ACTR3C: variants seen among roughly 807,000 people sequenced by gnomAD.
ACTR3C encodes actin-related protein 3C.
In ACTR3C, 18 loss-of-function variants were observed where a neutral mutation model predicts 26.3. The ratio of observed to expected loss-of-function variants is 0.68; its 90% CI spans 0.47 to 1.01. ACTR3C has a LOEUF of 1.01. Among genes scored for constraint, ACTR3C ranks in the 50% least tolerant of loss-of-function variants. The pLI, the probability that ACTR3C is intolerant of heterozygous loss-of-function variation, is 0.00. For missense variants in ACTR3C, 184 were observed against 250.7 expected, an observed-to-expected ratio of 0.73 and a Z score of 1.80; for synonymous variants, 55 against 94.5, an observed-to-expected ratio of 0.58 and a Z score of 2.42.
chr7:150,252,483 A>G (rs1172230002), intron 6 of ACTR3C, among the ~76,000 whole-genome samples: 1 of 152,216 alleles, frequency 6.6e-6, no homozygotes, highest in Admixed American at 6.5e-5. Context: ...GGTAAGCATT[A>G]GGGCAGGTCA....
At chr7:150,293,652 G>A (rs1354942697) in intron 2 of ACTR3C, among the ~76,000 whole-genome samples, 2 of 152,036 alleles carry the variant, frequency 1.3e-5, no homozygotes, top group East Asian at 1.9e-4. Context: ...ATAAAGAAAC[G>A]TGGCTGACTG....
the ACTR3C span, among the ~76,000 whole-genome samples, chr7:149,952,265 T>C: frequency 6.9e-6 from 1 of 145,412 alleles, no homozygotes; most frequent in South Asian, 2.1e-4. Context: ...AACTTTGCCA[T>C]TCTTCTAAAT....
At chr7:150,025,996 T>C in the ACTR3C span, among the ~76,000 whole-genome samples, 20 of 152,206 alleles carry the variant, frequency 1.3e-4, no homozygotes, top group Admixed American at 4.6e-4. Context: ...CCATCTCTCT[T>C]CATCTAAGCT....
chr7:149,979,364 G>T, the ACTR3C span, among the ~76,000 whole-genome samples: 2 of 152,188 alleles, frequency 1.3e-5, no homozygotes, highest in Non-Finnish European at 2.9e-5. Context: ...AACCTACAGT[G>T]AGGTAAGAAT....
At chr7:150,142,230 T>G in the ACTR3C span, among the ~76,000 whole-genome samples, 5 of 152,090 alleles carry the variant, frequency 3.3e-5, no homozygotes, top group African/African-American at 7.2e-5. Context: ...TCGTCTACAT[T>G]CCCAGCCTGC....
the ACTR3C span, among the ~76,000 whole-genome samples, chr7:149,942,427 G>C: frequency 3.3e-5 from 5 of 151,962 alleles, no homozygotes; most frequent in Admixed American, 3.3e-4. Flanking sequence ...TCTGTTTCTT[G>C]GATTGCATCA....
At chr7:149,892,521 G>A in the ACTR3C span, 1 of 617,704 alleles carries the variant, frequency 1.6e-6, no homozygotes, top group Non-Finnish European at 2.4e-6. Context: ...CATGTGGGGT[G>A]AAGGGTGCTC....
the ACTR3C span, among the ~76,000 whole-genome samples, chr7:150,210,757 C>A: frequency 0.095 from 14,110 of 148,974 alleles, 892 homozygotes; most frequent in East Asian, 0.24. Context: ...AGAAACAGAT[C>A]ACAAGGGAGC....
chr7:150,157,914 G>A, the ACTR3C span, among the ~76,000 whole-genome samples: 2 of 152,148 alleles, frequency 1.3e-5, no homozygotes, highest in African/African-American at 2.4e-5. Flanking sequence ...CGTGGTAGGG[G>A]TGGGGACACA....
the ACTR3C span, among the ~76,000 whole-genome samples, chr7:150,067,801 G>C: frequency 1.3e-5 from 2 of 148,822 alleles, no homozygotes; most frequent in African/African-American, 2.5e-5. Context: ...GGTGGTGGGG[G>C]GGGATGGGGG....
the ACTR3C span, among the ~76,000 whole-genome samples, chr7:149,949,379 AAAGGAAGGAAGGAGGG>A: frequency 1.6e-5 from 2 of 124,132 alleles, no homozygotes; most frequent in African/African-American, 4.0e-5. Context: ...GACAGAAAAG[AAAGGAAGGAAGGAGGG>A]AAGGAAGGAA....
the ACTR3C span, among the ~76,000 whole-genome samples, chr7:149,896,492 A>G: frequency 1.3e-5 from 2 of 152,194 alleles, no homozygotes; most frequent in African/African-American, 4.8e-5. Flanking sequence ...AATATTATCT[A>G]TACTAAATTG....
the ACTR3C span, among the ~76,000 whole-genome samples, chr7:150,066,592 C>A: frequency 2.6e-5 from 4 of 152,196 alleles, no homozygotes; most frequent in Non-Finnish European, 5.9e-5. Flanking sequence ...GTTGGCCCTA[C>A]ACTTAATAAG....
chr7:149,925,838 G>A, the ACTR3C span, among the ~76,000 whole-genome samples: 1 of 152,094 alleles, frequency 6.6e-6, no homozygotes, highest in Admixed American at 6.6e-5. Flanking sequence ...GAGGCAGGTG[G>A]ATCACCTGAG....
the ACTR3C span, among the ~76,000 whole-genome samples, chr7:150,017,214 A>G: frequency 1.3e-5 from 2 of 151,632 alleles, no homozygotes; most frequent in African/African-American, 2.4e-5. Context: ...GACCTTTTTC[A>G]TAACATGTTC....
At position 150,317,231 on chromosome 7, in the gene ACTR3C, G is replaced by A. The variant is rs997524703; in HGVS notation, c.-52+6238C>T. ...GCCCGGCTAATTTTTTGTATTTTTA[G>A]TAGAGACAGGGTTTCTCCATGTTGG... On this transcript the variant is annotated intron_variant, in intron 1 of 7. Coordinates refer to ENST00000683684, the MANE Select transcript of ACTR3C (RefSeq NM_001164458.2). 2.0e-5 allele frequency among the ~76,000 whole-genome samples: 3 copies of A among 151,958 alleles called. No homozygotes were observed. In the South Asian group the frequency reaches 6.2e-4, roughly 32 times the overall value.
the ACTR3C span, among the ~76,000 whole-genome samples, chr7:150,019,563 G>C: frequency 6.7e-6 from 1 of 150,006 alleles, no homozygotes; most frequent in Admixed American, 6.6e-5. Flanking sequence ...CTGCACTCCA[G>C]CCTGGTGACA....
the ACTR3C span, among the ~76,000 whole-genome samples, chr7:150,070,140 T>C: frequency 6.6e-6 from 1 of 152,192 alleles, no homozygotes; most frequent in East Asian, 1.9e-4. Flanking sequence ...AGCACTGTTA[T>C]GATGCAGGAG....
At chr7:149,896,992 T>C in the ACTR3C span, among the ~76,000 whole-genome samples, 11 of 137,882 alleles carry the variant, frequency 8.0e-5, no homozygotes, top group Non-Finnish European at 1.4e-4. Flanking sequence ...ACTTGGGAGG[T>C]GGAGGTTGCA....
Sources: gnomAD v4.1 joint callset for allele counts (sites outside exome capture counted in the v4.1 genomes callset) on GRCh38, gnomAD v4.1.1 for gene constraint, MANE v1.5 for transcripts, NCBI Gene and HGNC (gene_info 2026-07-23, HGNC 2026-07-21) for gene names.